The following NTAN1 variants were observed in gnomAD, a reference collection of about 807,000 sequenced individuals.
NTAN1 encodes the protein protein N-terminal asparagine amidohydrolase.
Under a neutral mutation model 41.9 loss-of-function variants are expected in NTAN1, and 32 were observed. That is an observed-to-expected ratio of 0.76 (90% CI 0.58 to 1.03). The LOEUF (loss-of-function observed/expected upper bound fraction) is 1.03. Ranked by LOEUF, NTAN1 falls within the 50% of genes least tolerant of loss-of-function variation. NTAN1 has a pLI of 0.00. For synonymous variants in NTAN1, 140 were observed against 139.5 expected (o/e 1.00, Z -0.03); for missense variants, 377 against 377.5 (o/e 1.00, Z 0.01).
intron 3 of NTAN1, 124 bp from the exon 4 acceptor site, chr16:15,047,674 G>T: frequency 5.4e-6 from 5 of 920,096 alleles, no homozygotes; most frequent in Admixed American, 5.3e-5. Context: ...AAAACGGACA[G>T]GTCTGTGCTC....
At chr16:15,055,302 G>C (rs1286573279) in intron 1 of NTAN1, among the ~76,000 whole-genome samples, 1 of 152,222 alleles carries the variant, frequency 6.6e-6, no homozygotes, top group Non-Finnish European at 1.5e-5. Flanking sequence ...CCGTGCATCA[G>C]GGCGTGGTCC....
intron 1 of NTAN1, among the ~76,000 whole-genome samples, chr16:15,051,404 G>T (rs780753278): frequency 1.3e-5 from 2 of 152,224 alleles, no homozygotes; most frequent in Non-Finnish European, 2.9e-5. Context: ...CCAGGCTGGA[G>T]TGCAGCGGCG....
intron 7 of NTAN1, chr16:15,040,479 CTG>C (rs1272608154): frequency 5.5e-6 from 1 of 182,416 alleles, no homozygotes; most frequent in Non-Finnish European, 1.1e-5. Flanking sequence ...ACAGTGAACA[CTG>C]TGTACCTACC....
chr16:15,055,870 CCCGCG>C lies in NTAN1; in HGVS notation c.81+16_81+20del. 8.3e-7 allele frequency: 1 copy of C among 1,209,388 alleles called. No homozygotes were observed. Among genetic ancestry groups the C allele is most frequent in the Non-Finnish European group, 1.0e-6 (1 of 967,070 alleles). 74.9% of individuals were successfully genotyped at this position (1,209,388 alleles called of 1,614,324 possible). ...CTTCCCCTCGGGCCCGCCCCGAAGC[CCCGCG>C]CCGCGCCCCACTCACCTCCAAAGGC... On this transcript the variant is annotated intron_variant, in intron 1 of 9. Coordinates refer to ENST00000287706, the MANE Select transcript of NTAN1 (RefSeq NM_173474.4).
At chr16:15,052,221 G>C (rs1219680346) in intron 1 of NTAN1, among the ~76,000 whole-genome samples, 1 of 152,148 alleles carries the variant, frequency 6.6e-6, no homozygotes, top group Non-Finnish European at 1.5e-5. Flanking sequence ...TACAGATGTG[G>C]CTGTGTTCCA....
intron 1 of NTAN1, 47 bp downstream of exon 1, chr16:15,055,844 G>T: frequency 9.5e-7 from 1 of 1,053,492 alleles, no homozygotes; most frequent in Non-Finnish European, 1.2e-6. Context: ...CCGCCCTGCA[G>T]CTTCCCCTCG....
At chr16:15,054,566 A>T (rs1256429137) in intron 1 of NTAN1, among the ~76,000 whole-genome samples, 1 of 152,226 alleles carries the variant, frequency 6.6e-6, no homozygotes, top group Non-Finnish European at 1.5e-5. Context: ...CACCACGCCT[A>T]GCTCGGTGCA....
Position 15,044,456 on chromosome 16 carries a change from G to A in NTAN1, c.360-49C>T, listed in dbSNP as rs202143852. 389 of 1,183,402 alleles carry A rather than the reference G, an allele frequency of 3.3e-4. 1 individual carries two copies. The highest frequency in any genetic ancestry group is 9.8e-4 in the Middle Eastern group (5 of 5,114). 73.3% of individuals were successfully genotyped at this position (1,183,402 alleles called of 1,614,324 possible). The stretch of plus-strand genomic sequence containing the variant: ...AGAGGCCAGAAGAAGACACCGGTGC[G>A]TGCGCTGGTCTCACTTTGAACTTTC... On this transcript the variant is annotated intron_variant, in intron 4 of 9. Coordinates refer to ENST00000287706, the MANE Select transcript of NTAN1 (RefSeq NM_173474.4).
intron 8 of NTAN1, 52 bp from the exon 9 acceptor site, chr16:15,038,739 A>C (rs772173311): frequency 3.1e-6 from 3 of 973,326 alleles, no homozygotes; most frequent in Non-Finnish European, 4.9e-6. Context: ...CCCACTTTTC[A>C]AACCCTCCCA....
At chr16:15,047,200 A>G in intron 4 of NTAN1, 1 of 523,298 alleles carries the variant, frequency 1.9e-6, no homozygotes, top group South Asian at 2.8e-5. Flanking sequence ...AGACGACATC[A>G]AGTTCAAAGT....
intron 1 of NTAN1, among the ~76,000 whole-genome samples, chr16:15,051,644 T>C (rs1350875393): frequency 1.3e-5 from 2 of 151,816 alleles, no homozygotes; most frequent in African/African-American, 4.8e-5. Flanking sequence ...GCCACCACAC[T>C]TGTGCTAGGA....
At chr16:15,055,351 C>A (rs1229092283) in intron 1 of NTAN1, among the ~76,000 whole-genome samples, 1 of 152,192 alleles carries the variant, frequency 6.6e-6, no homozygotes, top group Non-Finnish European at 1.5e-5. Flanking sequence ...TCTCTCCCGG[C>A]TAAAAATAAC....
In NTAN1 at chr16:15,038,004, G is replaced by T; in HGVS notation, c.*27C>A. On this transcript the variant is annotated 3_prime_UTR_variant, in exon 10 of 10. Coordinates refer to ENST00000287706, the MANE Select transcript of NTAN1 (RefSeq NM_173474.4). ...CACCAATGGTCTGTCAGGCCAAGAA[G>T]GTGCTTTCTTTGGTAATTCATGTTT... is the stretch of plus-strand genomic sequence containing the variant. The T allele has an allele frequency of 6.3e-7, 1 of 1,579,082 alleles. No individual in the cohort carries two copies. The highest frequency in any genetic ancestry group is 8.7e-7 in the Non-Finnish European group (1 of 1,153,058).
chr16:15,055,061 T>G (rs1458812746), intron 1 of NTAN1, among the ~76,000 whole-genome samples: 1 of 152,108 alleles, frequency 6.6e-6, no homozygotes, highest in African/African-American at 2.4e-5. Flanking sequence ...GCAGGGACAG[T>G]GATCAGTACG....
At chr16:15,038,854 G>A (rs1210044199) in intron 8 of NTAN1, among the ~76,000 whole-genome samples, 167 bp from the exon 9 acceptor site, 2 of 152,202 alleles carry the variant, frequency 1.3e-5, no homozygotes, top group African/African-American at 2.4e-5. Context: ...CGTCCAGTGT[G>A]TCTGCTTCTG....
At position 15,056,038 on chromosome 16, in the gene NTAN1, C is replaced by CCGCCGCCCCCGCCCCTCGGGCCGCG. The variant is rs2044505152; in HGVS notation, c.-92_-68dup. The CCGCCGCCCCCGCCCCTCGGGCCGCG allele has an allele frequency of 1.5e-6, 1 of 671,114 alleles. No individual in the cohort carries two copies. The highest frequency in any genetic ancestry group is 1.9e-5 in the African/African-American group (1 of 51,706). The allele number at this position is 671,114 out of a possible 1,614,324, so 41.6% of individuals were successfully genotyped here. On this transcript the variant is annotated 5_prime_UTR_variant, in exon 1 of 10. Transcript: ENST00000287706. ...CCCCCGCTTTGCAGCCCCGGGCCGCCCGCCGCCCCCGCCCCTCGGGCCGCG... is the reference window on the plus strand; with the variant it reads ...CCCCCGCTTTGCAGCCCCGGGCCGCCCGCCGCCCCCGCCCCTCGGGCCGCGCGCCGCCCCCGCCCCTCGGGCCGCG...
At chr16:15,048,189 G>A (rs138580038) in intron 1 of NTAN1, 90 bp from the exon 2 acceptor site, 153 of 841,708 alleles carry the variant, frequency 1.8e-4, no homozygotes, top group Middle Eastern at 1.4e-3. Context: ...TGGGCTCTGC[G>A]TGGGCAGCAC....
chr16:15,044,527 C>A (rs556710853), intron 4 of NTAN1, 120 bp from the exon 5 acceptor site: 2 of 707,420 alleles, frequency 2.8e-6, no homozygotes, highest in South Asian at 1.6e-5. Flanking sequence ...AGCTGCAGGT[C>A]ATCTTCGTGC....
chr16:15,044,644 A>C, intron 4 of NTAN1: 1 of 561,100 alleles, frequency 1.8e-6, no homozygotes, highest in East Asian at 3.0e-5. Flanking sequence ...CTGAACACAA[A>C]TGTGATGCCG....
Sources: allele counts gnomAD v4.1 joint callset (sites outside exome capture counted in the v4.1 genomes callset), GRCh38; gene constraint gnomAD v4.1.1; transcripts MANE v1.5; gene names NCBI Gene and HGNC (gene_info 2026-07-23, HGNC 2026-07-21).